Variants in CREB5 observed in about 807,000 individuals in gnomAD.
CREB5 encodes the protein cAMP responsive element binding protein 5.
A neutral mutation model predicts 57.1 loss-of-function variants in CREB5; 19 were observed. That is an observed-to-expected ratio of 0.33 (90% confidence interval 0.23 to 0.49). The LOEUF is 0.49. Ranked by LOEUF, CREB5 falls within the 20% of genes least tolerant of loss-of-function variation. CREB5 has a pLI of 0.99. For missense variants in CREB5, 579 were observed against 671.6 expected (o/e 0.86, Z 1.52); for synonymous variants, 238 against 238.3 (o/e 1.00, Z 0.01).
chr7:28,335,081 C>T (rs1583685068), intron 1 of CREB5, among the ~76,000 whole-genome samples: 1 of 152,062 alleles, frequency 6.6e-6, no homozygotes, highest in African/African-American at 2.4e-5. Context: ...CCAATACCAT[C>T]CTGTTTTGGT....
At chr7:28,622,845 A>AC (rs1030026984) in intron 5 of CREB5, among the ~76,000 whole-genome samples, 18 of 151,878 alleles carry the variant, frequency 1.2e-4, no homozygotes, top group African/African-American at 3.9e-4. Flanking sequence ...ACATAGTGAG[A>AC]CCCCCATCTC....
intron 5 of CREB5, among the ~76,000 whole-genome samples, chr7:28,585,818 C>T (rs1796285378): frequency 6.6e-6 from 1 of 152,120 alleles, no homozygotes; most frequent in African/African-American, 2.4e-5. Context: ...CTGAGGCTCT[C>T]ATTGAGTCAG....
rs75756571 is a variant in CREB5, at chr7:28,384,724, T to A, written c.-25+85283T>A. ...ATCATCAGAGCACTGATAGCATATTTGGTGCAAATAGAAAAGCAGAACATT... is the reference window on the plus strand; with the variant it reads ...ATCATCAGAGCACTGATAGCATATTAGGTGCAAATAGAAAAGCAGAACATT... On this transcript the variant is annotated intron_variant, in intron 1 of 9. Coordinates refer to the CREB5 transcript ENST00000396299. Among the ~76,000 whole-genome samples the A allele has an allele frequency of 1.1e-3, 174 of 152,114 alleles. 1 individual carries two copies. The highest frequency in any genetic ancestry group is 4.1e-3 in the African/African-American group (169 of 41,498).
intron 1 of CREB5, among the ~76,000 whole-genome samples, chr7:28,334,810 T>C (rs1004666442): frequency 6.6e-6 from 1 of 152,164 alleles, no homozygotes; most frequent in African/African-American, 2.4e-5. Context: ...TTCCATGATG[T>C]TTTTCTTAGT....
chr7:28,639,355 A>G (rs1486497098), intron 5 of CREB5, among the ~76,000 whole-genome samples: 1 of 122,074 alleles, frequency 8.2e-6, no homozygotes, highest in East Asian at 2.1e-4. Flanking sequence ...TAGCTCTAGA[A>G]AAGGGATTAG....
chr7:28,577,016 G>C (rs1341638795), intron 5 of CREB5, among the ~76,000 whole-genome samples: 1 of 152,214 alleles, frequency 6.6e-6, no homozygotes, highest in East Asian at 1.9e-4. Context: ...GAATACAAGA[G>C]CTTGCTTGGA....
At chr7:28,303,659 T>C (rs536882798) in intron 1 of CREB5, among the ~76,000 whole-genome samples, 1 of 152,332 alleles carries the variant, frequency 6.6e-6, no homozygotes, top group East Asian at 1.9e-4. Flanking sequence ...AGTAAAATAA[T>C]AGGATTGATA....
At chr7:28,541,851 A>G (rs547241326) in intron 4 of CREB5, among the ~76,000 whole-genome samples, 3 of 152,290 alleles carry the variant, frequency 2.0e-5, no homozygotes, top group African/African-American at 7.2e-5. Context: ...AATGGCTTCT[A>G]CTGTGGTTGA....
intron 1 of CREB5, among the ~76,000 whole-genome samples, chr7:28,371,238 AG>A: frequency 6.6e-6 from 1 of 152,188 alleles, no homozygotes. Context: ...TGGGAGGCCG[AG>A]GTGGGAGGAT....
intron 1 of CREB5, among the ~76,000 whole-genome samples, chr7:28,440,274 G>A (rs1789132750): frequency 6.6e-6 from 1 of 152,172 alleles, no homozygotes; most frequent in South Asian, 2.1e-4. Context: ...ATCTGCTTAA[G>A]TTGTGTTTAC....
intron 5 of CREB5, among the ~76,000 whole-genome samples, chr7:28,658,963 A>ATATATATATATATGTG (rs1554281589): frequency 1.7e-5 from 2 of 117,220 alleles, no homozygotes; most frequent in African/African-American, 2.7e-5. Context: ...GTATATATAT[A>ATATATATATATATGTG]TATATATATA....
chr7:28,565,240 G>A (rs1324885333), intron 4 of CREB5, among the ~76,000 whole-genome samples: 2 of 152,222 alleles, frequency 1.3e-5, no homozygotes, highest in Non-Finnish European at 2.9e-5. Context: ...TCCCTTCTGA[G>A]GCAGGAATCC....
At chr7:28,674,857 C>T (rs1051275499) in intron 5 of CREB5, among the ~76,000 whole-genome samples, 2 of 152,196 alleles carry the variant, frequency 1.3e-5, no homozygotes, top group Admixed American at 6.5e-5. Context: ...TTAGACTTTC[C>T]AGTGGCTTTT....
intron 4 of CREB5, among the ~76,000 whole-genome samples, chr7:28,521,307 G>A (rs1196093433): frequency 6.6e-6 from 1 of 152,196 alleles, no homozygotes; most frequent in East Asian, 1.9e-4. Flanking sequence ...TTCAGCCCAG[G>A]TGGTTATAAT....
chr7:28,612,995 A>C (rs912173259), intron 5 of CREB5, among the ~76,000 whole-genome samples: 3 of 152,162 alleles, frequency 2.0e-5, no homozygotes, highest in Non-Finnish European at 4.4e-5. Context: ...AAGAAGCCAA[A>C]CTTCATGCAG....
At chr7:28,713,908 T>A (rs1182660623) in intron 5 of CREB5, among the ~76,000 whole-genome samples, 5 of 152,206 alleles carry the variant, frequency 3.3e-5, no homozygotes, top group African/African-American at 1.2e-4. Context: ...ATGTTATTAT[T>A]TTTTCAATTT....
intron 5 of CREB5, among the ~76,000 whole-genome samples, chr7:28,586,777 CA>C (rs1314766347): frequency 9.2e-5 from 14 of 152,346 alleles, no homozygotes; most frequent in Admixed American, 8.5e-4. Context: ...GTAATAATCA[CA>C]TTCTGTCTGG....
intron 1 of CREB5, among the ~76,000 whole-genome samples, chr7:28,377,492 C>T (rs2127995158): frequency 6.6e-6 from 1 of 151,914 alleles, no homozygotes; most frequent in East Asian, 1.9e-4. Context: ...TACTAGATAG[C>T]ACTACTATAG....
chr7:28,475,918 G>A (rs1318617023), intron 1 of CREB5, among the ~76,000 whole-genome samples: 3 of 152,112 alleles, frequency 2.0e-5, no homozygotes, highest in Admixed American at 1.3e-4. Context: ...TCCCTGGCTT[G>A]CTCAGCCACC....
Sources: allele counts gnomAD v4.1 joint callset (sites outside exome capture counted in the v4.1 genomes callset), GRCh38; gene constraint gnomAD v4.1.1; transcripts MANE v1.5; gene names NCBI Gene and HGNC (gene_info 2026-07-23, HGNC 2026-07-21).